Variants in CAMKMT observed in about 807,000 individuals in gnomAD.
CAMKMT encodes the protein CaM KMT.
CAMKMT carries 53 observed loss-of-function variants against 48.0 expected under a neutral mutation model. The observed-to-expected ratio is 1.10, with a 90% CI of 0.89 to 1.39. The LOEUF (loss-of-function observed/expected upper bound fraction) is 1.39, where lower values mean the gene tolerates loss of function less well. Ranked by LOEUF, CAMKMT falls within the 40% of genes most tolerant of loss-of-function variation. CAMKMT has a pLI of 0.00. For synonymous variants in CAMKMT, 165 were observed against 152.3 expected (o/e 1.08, Z -0.61); for missense variants, 428 against 402.7 (o/e 1.06, Z -0.54).
chr2:44,722,182 T>C (rs1307533646), intron 7 of CAMKMT, among the ~76,000 whole-genome samples: 3 of 148,920 alleles, frequency 2.0e-5, no homozygotes, highest in African/African-American at 7.5e-5. Context: ...TTTTCTTTTT[T>C]TTTTTTTTTT....
intron 3 of CAMKMT, among the ~76,000 whole-genome samples, chr2:44,672,056 A>T (rs1675362604): frequency 6.6e-6 from 1 of 152,180 alleles, no homozygotes; most frequent in African/African-American, 2.4e-5. Context: ...CGACAGGATG[A>T]TGAAAACTCA....
intron 3 of CAMKMT, among the ~76,000 whole-genome samples, chr2:44,619,083 G>T (rs1432517303): frequency 6.6e-6 from 1 of 152,176 alleles, no homozygotes; most frequent in Admixed American, 6.5e-5. Context: ...GATATAAACA[G>T]AAGGATGGAA....
chr2:44,596,631 T>A (rs1670685409), intron 3 of CAMKMT, among the ~76,000 whole-genome samples: 1 of 151,970 alleles, frequency 6.6e-6, no homozygotes, highest in Non-Finnish European at 1.5e-5. Context: ...TAAAGTCCAG[T>A]CCAATTCATC....
chr2:44,364,097 C>G (rs112923235), intron 1 of CAMKMT, among the ~76,000 whole-genome samples: 3,207 of 150,710 alleles, frequency 0.021, 128 homozygotes, highest in African/African-American at 0.075. Context: ...AATCCTCCCA[C>G]CTCAGCCTCC....
At chr2:44,466,354 A>G (rs1415986517) in intron 3 of CAMKMT, among the ~76,000 whole-genome samples, 5 of 152,240 alleles carry the variant, frequency 3.3e-5, no homozygotes, top group Non-Finnish European at 7.3e-5. Flanking sequence ...AAATAAAACT[A>G]GAAATCAACA....
At chr2:44,499,222 G>T (rs1020516991) in intron 3 of CAMKMT, among the ~76,000 whole-genome samples, 2 of 152,124 alleles carry the variant, frequency 1.3e-5, no homozygotes, top group Non-Finnish European at 2.9e-5. Context: ...TGCTAACAAG[G>T]ACTGTCTTCA....
chr2:44,763,700 T>C (rs1573251387), intron 9 of CAMKMT, among the ~76,000 whole-genome samples: 1 of 151,932 alleles, frequency 6.6e-6, no homozygotes. Flanking sequence ...GAAGGACAGG[T>C]AAACTGAGAG....
chr2:44,510,681 G>A (rs534881864), intron 3 of CAMKMT, among the ~76,000 whole-genome samples: 8 of 151,794 alleles, frequency 5.3e-5, no homozygotes, highest in Admixed American at 1.3e-4. Context: ...AATAGTTTTC[G>A]GGGTACAGAT....
intron 3 of CAMKMT, among the ~76,000 whole-genome samples, chr2:44,561,945 A>G (rs1668346323): frequency 6.6e-6 from 1 of 152,188 alleles, no homozygotes; most frequent in Non-Finnish European, 1.5e-5. Context: ...GGGCTGGAGA[A>G]TATAAGAGGG....
intron 3 of CAMKMT, among the ~76,000 whole-genome samples, chr2:44,426,205 T>C (rs920894483): frequency 6.6e-6 from 1 of 152,324 alleles, no homozygotes; most frequent in African/African-American, 2.4e-5. Flanking sequence ...TAAAATAGAA[T>C]TGGAAAAGGC....
intron 7 of CAMKMT, among the ~76,000 whole-genome samples, chr2:44,720,559 A>T (rs1678412774): frequency 6.6e-6 from 1 of 152,218 alleles, no homozygotes; most frequent in African/African-American, 2.4e-5. Flanking sequence ...GAATGGCCAC[A>T]TGATAAATCA....
At chr2:44,730,603 G>A (rs537113253) in intron 7 of CAMKMT, among the ~76,000 whole-genome samples, 2 of 152,270 alleles carry the variant, frequency 1.3e-5, no homozygotes, top group South Asian at 4.1e-4. Context: ...GATTTAGATG[G>A]TGTCCTTTTC....
intron 3 of CAMKMT, among the ~76,000 whole-genome samples, chr2:44,539,869 A>T (rs535850257): frequency 3.2e-4 from 48 of 152,164 alleles, no homozygotes; most frequent in Admixed American, 8.5e-4. Flanking sequence ...ATTATTGGTG[A>T]TCTTGACTGT....
chr2:44,516,123 C>T (rs911076893), intron 3 of CAMKMT, among the ~76,000 whole-genome samples: 10 of 152,078 alleles, frequency 6.6e-5, no homozygotes, highest in Admixed American at 6.6e-5. Flanking sequence ...CAAAAAAGAG[C>T]GCCTCATATG....
chr2:44,580,096 G>A (rs1270492596), intron 3 of CAMKMT, among the ~76,000 whole-genome samples: 1 of 152,058 alleles, frequency 6.6e-6, no homozygotes, highest in Admixed American at 6.5e-5. Flanking sequence ...TAGGAGTCAT[G>A]ATTTGTTCTA....
At chr2:44,759,783 C>T (rs1680536484) in intron 9 of CAMKMT, among the ~76,000 whole-genome samples, 1 of 152,154 alleles carries the variant, frequency 6.6e-6, no homozygotes, top group Admixed American at 6.5e-5. Flanking sequence ...TCAGCACATA[C>T]AGTAATGTGT....
rs186015531 is a variant in CAMKMT at position 44,380,982 on chromosome 2, A to T, written c.311+8094A>T. Among the ~76,000 whole-genome samples, 20 of 152,184 alleles carry T rather than the reference A, an allele frequency of 1.3e-4. No homozygotes were observed. The East Asian group carries it at 3.9e-3, about 29-fold the overall frequency. On this transcript the variant is annotated intron_variant, in intron 2 of 10. Transcript: ENST00000378494. The stretch of plus-strand genomic sequence containing the variant: ...TGAGACCAGCCTGGCCAACATAGTG[A>T]AACCCCATCTCTACTAAAAATACAA...
At chr2:44,757,128 G>A (rs562000246) in intron 9 of CAMKMT, among the ~76,000 whole-genome samples, 1 of 152,302 alleles carries the variant, frequency 6.6e-6, no homozygotes, top group East Asian at 1.9e-4. Context: ...CTCCTTAAGG[G>A]GAGCTGCTTC....
chr2:44,547,018 G>A (rs1667446808), intron 3 of CAMKMT, among the ~76,000 whole-genome samples: 1 of 152,146 alleles, frequency 6.6e-6, no homozygotes, highest in South Asian at 2.1e-4. Context: ...CCTTGGGTTG[G>A]CTTGCTTGGC....
Sources: gnomAD v4.1 joint callset for allele counts (sites outside exome capture counted in the v4.1 genomes callset) on GRCh38, gnomAD v4.1.1 for gene constraint, MANE v1.5 for transcripts, NCBI Gene and HGNC (gene_info 2026-07-23, HGNC 2026-07-21) for gene names.